The following DYSF variants were observed in gnomAD, a reference collection of about 807,000 sequenced individuals.
The protein encoded by DYSF is dysferlin.
In DYSF, 212 loss-of-function variants were observed where a neutral mutation model predicts 274.9. The ratio of observed to expected loss-of-function variants is 0.77; its 90% CI spans 0.69 to 0.86. DYSF has a LOEUF of 0.86. DYSF is among the 40% of genes least tolerant of loss of function. The pLI is 0.00. For missense variants in DYSF, 2,666 were observed against 2,783.2 expected, an observed-to-expected ratio of 0.96 and a Z score of 0.95; for synonymous variants, 1,091 against 1,078.7, an observed-to-expected ratio of 1.01 and a Z score of -0.22.
chr2:71,570,553 TG>T (rs766593521), intron 28 of DYSF, 45 bp from the exon 29 acceptor site: 31 of 1,608,236 alleles, frequency 1.9e-5, no homozygotes, highest in Non-Finnish European at 2.5e-5. Context: ...CCAGGAGAGA[TG>T]GGGGGAACTG....
chr2:71,461,215 T>C (rs955687333), intron 1 of DYSF, among the ~76,000 whole-genome samples: 6 of 152,272 alleles, frequency 3.9e-5, no homozygotes, highest in African/African-American at 1.4e-4. Flanking sequence ...ATTACGCTAA[T>C]AGTTATTCCT....
chr2:71,603,610 C>T (rs1381213424), intron 36 of DYSF, among the ~76,000 whole-genome samples: 1 of 152,206 alleles, frequency 6.6e-6, no homozygotes, highest in African/African-American at 2.4e-5. Flanking sequence ...AGGCCCCGCA[C>T]CCCTTACCTC....
At chr2:71,556,982 G>A (rs2091383661) in intron 22 of DYSF, among the ~76,000 whole-genome samples, 1 of 152,140 alleles carries the variant, frequency 6.6e-6, no homozygotes, top group East Asian at 1.9e-4. Context: ...CCCTTCTATT[G>A]TTTGTGGCTC....
At chr2:71,505,130 G>A (rs2085356477) in intron 4 of DYSF, among the ~76,000 whole-genome samples, 1 of 152,252 alleles carries the variant, frequency 6.6e-6, no homozygotes, top group African/African-American at 2.4e-5. Context: ...GTCCTCACCT[G>A]TACAGAGGGT....
chr2:71,677,398 C>T (rs1250331929), intron 52 of DYSF, among the ~76,000 whole-genome samples: 1 of 152,178 alleles, frequency 6.6e-6, no homozygotes, highest in Non-Finnish European at 1.5e-5. Context: ...GCAACCTATG[C>T]TCCAATCCCA....
chr2:71,648,970 A>G (rs2094610426), intron 42 of DYSF, among the ~76,000 whole-genome samples: 1 of 152,100 alleles, frequency 6.6e-6, no homozygotes, highest in Non-Finnish European at 1.5e-5. Flanking sequence ...GAGTAATGTG[A>G]TTCCAATGAG....
chr2:71,613,319 C>A lies in DYSF; in HGVS notation c.4388-15C>A. On this transcript the variant is annotated splice_polypyrimidine_tract_variant and intron_variant, in intron 39 of 55. Transcript: ENST00000410020. ...GAGAGCCCCTCTCAGGCCTGGATGGCTCCCTCCCCTGCAGACGATGTGAGC... is the reference window on the plus strand; with the variant it reads ...GAGAGCCCCTCTCAGGCCTGGATGGATCCCTCCCCTGCAGACGATGTGAGC... 1 of 1,608,966 alleles carries A rather than the reference C, an allele frequency of 6.2e-7. No homozygotes were observed. The highest frequency in any genetic ancestry group is 1.1e-5 in the South Asian group (1 of 89,482).
At position 71,513,797 on chromosome 2, in the gene DYSF, C is replaced by T. The variant is rs761985420; in HGVS notation, c.635C>T (p.Pro212Leu). The T allele has an allele frequency of 1.4e-5, 23 of 1,613,976 alleles. No homozygotes were observed. The East Asian group carries it at 1.8e-4, about 13-fold the overall frequency. The change falls in exon 7 of 56, where the codon CCG becomes CTG. Residue 212 changes from proline (P) to leucine (L), a missense_variant. This residue lies in a region of DYSF where 794 missense variants were observed against 777.1 expected (regional missense o/e 1.02). Coordinates refer to ENST00000410020, the MANE Select transcript of DYSF (RefSeq NM_001130987.2). ...AEPFLDQSGG[P>L]GAPTTPRKLP... ...CCATTCCTGGATCAAAGCGGAGGCC[C>T]GGGGGCTCCCACCACCCCAAGGAAA...
intron 41 of DYSF, among the ~76,000 whole-genome samples, chr2:71,624,969 A>G (rs1402518085): frequency 1.3e-5 from 2 of 152,188 alleles, no homozygotes; most frequent in Non-Finnish European, 2.9e-5. Flanking sequence ...ACATATTACT[A>G]TAATGAAAGC....
At chr2:71,576,687 G>T (rs934071) in intron 30 of DYSF, among the ~76,000 whole-genome samples, 58,111 of 152,010 alleles carry the variant, frequency 0.38, 11,896 homozygotes, top group African/African-American at 0.52. Context: ...GAAGGCTGGA[G>T]CGGGGAGCCG....
Position 71,503,228 on chromosome 2 carries a change from C to G in DYSF, c.254C>G (p.Ala85Gly). 1 of 1,614,002 alleles carries G rather than the reference C, an allele frequency of 6.2e-7. No individual in the cohort carries two copies. Among genetic ancestry groups the G allele is most frequent in the Non-Finnish European group, 8.5e-7 (1 of 1,179,956 alleles). ...TMGRNRFLGE[A>G]KVPLREVLAT... ...TCTCCTCTCAGGTTCCTGGGGGAAG[C>G]CAAGGTCCCACTCCGAGAGGTCCTC... is the stretch of plus-strand genomic sequence containing the variant. The change falls in exon 4 of 56, where the codon GCC becomes GGC. Residue 85 changes from alanine (A) to glycine (G), a missense_variant. Ala to Gly is a moderately conservative substitution (Grantham distance 60, BLOSUM62 0). Around this residue, in one of 3 missense-constraint regions of DYSF, gnomAD observed 794 missense variants for 777.1 expected, o/e 1.02. Transcript: ENST00000410020.
chr2:71,600,607 C>T lies in DYSF; in HGVS notation c.3757-95C>T, dbSNP rs982210745. The T allele has an allele frequency of 5.7e-6, 9 of 1,573,342 alleles. No homozygotes were observed. In the South Asian group the frequency reaches 8.9e-5, roughly 16 times the overall value. ...GGTGCCCTTACTACTGAGGCCCTTTCTAGTTCAGAAGGCACATGTAGACCT... is the reference window on the plus strand; with the variant it reads ...GGTGCCCTTACTACTGAGGCCCTTTTTAGTTCAGAAGGCACATGTAGACCT... On this transcript the variant is annotated intron_variant, in intron 33 of 55. Transcript: ENST00000410020.
At chr2:71,620,686 G>A in intron 41 of DYSF, 77 bp downstream of exon 41, 1 of 1,384,948 alleles carries the variant, frequency 7.2e-7, no homozygotes, top group Non-Finnish European at 1.0e-6. Context: ...GGAGGGAAAT[G>A]GGAGGGGAGA....
At chr2:71,626,355 A>G (rs983321206) in intron 41 of DYSF, among the ~76,000 whole-genome samples, 5 of 151,468 alleles carry the variant, frequency 3.3e-5, no homozygotes, top group African/African-American at 1.2e-4. Flanking sequence ...TTTTTAAAGT[A>G]TCCATCGAAG....
chr2:71,574,773 A>G (rs148837226), intron 30 of DYSF, among the ~76,000 whole-genome samples: 166 of 152,324 alleles, frequency 1.1e-3, no homozygotes, highest in African/African-American at 3.6e-3. Context: ...CTCTTGAGGC[A>G]GAGACCATCT....
chr2:71,565,737 C>T (rs1236479524), intron 24 of DYSF, among the ~76,000 whole-genome samples: 1 of 152,206 alleles, frequency 6.6e-6, no homozygotes, highest in Non-Finnish European at 1.5e-5. Flanking sequence ...GTTGCTTAAC[C>T]TCTCTGAATT....
At position 71,681,018 on chromosome 2, in the gene DYSF, C is replaced by A; in HGVS notation, c.6081C>A (p.Thr2027=). The part of the protein sequence containing the change: ...KKILAGKLEM[T]LEIVAESEHE... ...CCCCTCAGGGCAAGCTGGAAATGAC[C>A]TTGGAGATTGTAGCAGAGAGTGAGC... is the stretch of plus-strand genomic sequence containing the variant. The change falls in exon 54 of 56, where the codon ACC becomes ACA. Residue 2027 remains threonine, a synonymous_variant. Coordinates refer to ENST00000410020, the MANE Select transcript of DYSF (RefSeq NM_001130987.2). 1 of 1,614,174 alleles carries A rather than the reference C, an allele frequency of 6.2e-7. No homozygotes were observed. Among genetic ancestry groups the A allele is most frequent in the Admixed American group, 1.7e-5 (1 of 60,030 alleles).
chr2:71,569,518 A>C (rs1235443830), intron 26 of DYSF, among the ~76,000 whole-genome samples: 1 of 152,104 alleles, frequency 6.6e-6, no homozygotes, highest in East Asian at 1.9e-4. Context: ...ATAAAACTTT[A>C]TATTTTTACA....
intron 30 of DYSF, among the ~76,000 whole-genome samples, chr2:71,577,870 G>A (rs992259775): frequency 6.6e-6 from 1 of 152,138 alleles, no homozygotes; most frequent in Non-Finnish European, 1.5e-5. Flanking sequence ...GCTAGGACCC[G>A]GCTTCTGTCC....
Sources: gnomAD v4.1 joint callset for allele counts (sites outside exome capture counted in the v4.1 genomes callset) on GRCh38, gnomAD v4.1.1 for gene constraint, gnomAD v4.1.1 regional missense constraint, MANE v1.5 for transcripts, NCBI Gene and HGNC (gene_info 2026-07-23, HGNC 2026-07-21) for gene names.